The following TJP1 variants were observed in gnomAD, a reference collection of about 807,000 sequenced individuals.
The protein encoded by TJP1 is tight junction protein ZO-1.
Under a neutral mutation model 194.2 loss-of-function variants are expected in TJP1, and 43 were observed. That is an observed-to-expected ratio of 0.22 (90% CI 0.17 to 0.29). The LOEUF (loss-of-function observed/expected upper bound fraction) is 0.29, where lower values mean the gene tolerates loss of function less well. Among genes scored for constraint, TJP1 ranks in the 10% least tolerant of loss-of-function variants. The pLI is 1.00. For missense variants in TJP1, 1,971 were observed against 2,185.7 expected, an observed-to-expected ratio of 0.90 and a Z score of 1.96; for synonymous variants, 801 against 779.0, an observed-to-expected ratio of 1.03 and a Z score of -0.47.
chr15:29,819,783 T>C (rs1332290368), intron 1 of TJP1, among the ~76,000 whole-genome samples: 4 of 152,226 alleles, frequency 2.6e-5, no homozygotes, highest in Non-Finnish European at 5.9e-5. Context: ...TCACTTTATG[T>C]CCTTCATTAA....
chr15:29,719,282 T>C, intron 20 of TJP1, 144 bp from the exon 21 acceptor site: 1 of 1,051,138 alleles, frequency 9.5e-7, no homozygotes, highest in Non-Finnish European at 1.3e-6. Context: ...ACAAGATTAG[T>C]GGAAAAAGCT....
intron 1 of TJP1, among the ~76,000 whole-genome samples, chr15:29,811,862 G>GAATT (rs932624832): frequency 6.6e-6 from 1 of 150,988 alleles, no homozygotes; most frequent in African/African-American, 2.4e-5. Context: ...TGTCCAAAAT[G>GAATT]AATGAATGAA....
At chr15:29,764,491 A>T (rs2046208270) in intron 5 of TJP1, among the ~76,000 whole-genome samples, 1 of 152,216 alleles carries the variant, frequency 6.6e-6, no homozygotes, top group South Asian at 2.1e-4. Flanking sequence ...TGCAGAATCA[A>T]CTTAAAGGGA....
At chr15:29,960,959 G>C (rs2056134180) in intron 1 of TJP1, among the ~76,000 whole-genome samples, 2 of 152,264 alleles carry the variant, frequency 1.3e-5, no homozygotes, top group South Asian at 4.1e-4. Flanking sequence ...GTAGGAATAG[G>C]TGAATTTTAG....
rs117333361 is a variant in TJP1 at position 29,730,377 on chromosome 15, T to A, written c.2017+2056A>T. Among the ~76,000 whole-genome samples, 707 of 151,900 alleles carry A rather than the reference T, an allele frequency of 4.7e-3. 15 individuals are homozygous for A. The East Asian group carries it at 0.076, about 16-fold the overall frequency. On this transcript the variant is annotated intron_variant, in intron 15 of 27. Transcript: ENST00000614355. Reference sequence around the variant, plus strand: ...CCAGAGATCACTTGAGCCCAGGAGCTCAGGTTCAGCCTGGACAACCTAGTG... The same window carrying A: ...CCAGAGATCACTTGAGCCCAGGAGCACAGGTTCAGCCTGGACAACCTAGTG...
intron 2 of TJP1, among the ~76,000 whole-genome samples, chr15:29,939,102 G>GGA (rs1271875014): frequency 2.0e-5 from 3 of 152,158 alleles, no homozygotes; most frequent in Non-Finnish European, 4.4e-5. Context: ...GCTGGATTAT[G>GGA]GAGACAACAG....
intron 2 of TJP1, among the ~76,000 whole-genome samples, chr15:29,941,166 G>T (rs946010808): frequency 1.3e-5 from 2 of 152,112 alleles, no homozygotes; most frequent in African/African-American, 4.8e-5. Flanking sequence ...ACGACCGCAG[G>T]CAGGCCCACG....
At chr15:29,795,150 A>G (rs1371799224) in intron 2 of TJP1, among the ~76,000 whole-genome samples, 1 of 152,144 alleles carries the variant, frequency 6.6e-6, no homozygotes, top group African/African-American at 2.4e-5. Flanking sequence ...CCAGTCAGGC[A>G]TGGTGGCTCA....
In TJP1 at chr15:29,732,804, A is replaced by G; in HGVS notation, c.1748T>C (p.Leu583Pro). 6.3e-7 allele frequency: 1 copy of G among 1,590,316 alleles called. No homozygotes were observed. The highest frequency in any genetic ancestry group is 8.5e-7 in the Non-Finnish European group (1 of 1,171,508). The change falls in exon 14 of 28, where the codon CTA (leucine) becomes CCA (proline). Residue 583 changes from leucine (L) to proline (P), a missense_variant. Leu to Pro is a moderately conservative substitution (Grantham distance 98). Coordinates refer to ENST00000614355, the MANE Select transcript of TJP1 (RefSeq NM_001330239.4). ...IIPNKNRAEQ[L>P]ASVQYTLPKT... ...TGGAAGTGTATACTGTACACTGGCT[A>G]GCTGCTCAGCTCTACACAAGAAAGG... is the stretch of plus-strand genomic sequence containing the variant.
intron 2 of TJP1, among the ~76,000 whole-genome samples, chr15:29,833,119 T>C (rs913076647): frequency 3.9e-5 from 6 of 152,162 alleles, no homozygotes; most frequent in Admixed American, 2.6e-4. Context: ...TGAGGGAATA[T>C]TTAGAGTGCC....
chr15:29,880,378 C>T (rs1028837318), intron 2 of TJP1, among the ~76,000 whole-genome samples: 1 of 152,166 alleles, frequency 6.6e-6, no homozygotes, highest in Non-Finnish European at 1.5e-5. Flanking sequence ...ATGATACTAT[C>T]CCCACAATCA....
upstream of TJP1, among the ~76,000 whole-genome samples, chr15:29,825,763 G>C (rs1024712032): frequency 2.0e-5 from 3 of 152,160 alleles, no homozygotes; most frequent in African/African-American, 4.8e-5. Context: ...CAAAATATTA[G>C]AAGGAGAAGC....
Position 29,752,115 on chromosome 15 carries a change from T to TC in TJP1, c.1010+9023dup, listed in dbSNP as rs200728984. 5.9e-4 allele frequency among the ~76,000 whole-genome samples: 82 copies of TC among 138,386 alleles called. 1 individual carries two copies. The highest frequency in any genetic ancestry group is 1.7e-4 in the Non-Finnish European group (11 of 66,434). The allele number at this position is 138,386 out of a possible 152,430, so 90.8% of individuals were successfully genotyped here. ...GGCTAAATACACTTTTTTTTTTTTTTCCCCCCAGACGGAGTCTCGCTCTGT... is the reference window on the plus strand; with the variant it reads ...GGCTAAATACACTTTTTTTTTTTTTTCCCCCCCAGACGGAGTCTCGCTCTGT... On this transcript the variant is annotated intron_variant, in intron 8 of 27. Transcript: ENST00000614355.
At chr15:29,904,734 G>A (rs932585585) in intron 2 of TJP1, among the ~76,000 whole-genome samples, 4 of 152,160 alleles carry the variant, frequency 2.6e-5, no homozygotes, top group Admixed American at 6.5e-5. Flanking sequence ...ATGTCTATCT[G>A]GAACCTCAGA....
intron 2 of TJP1, among the ~76,000 whole-genome samples, chr15:29,911,059 A>G (rs1296914031): frequency 6.6e-6 from 1 of 152,260 alleles, no homozygotes; most frequent in Non-Finnish European, 1.5e-5. Context: ...GGGAGAGCAG[A>G]TGCAAATAAA....
At chr15:29,949,269 CCTCCATCACCTCCACCGCCAT>C in intron 2 of TJP1, among the ~76,000 whole-genome samples, 2 of 115,486 alleles carry the variant, frequency 1.7e-5, no homozygotes, top group African/African-American at 8.4e-5. Flanking sequence ...ACCACCACCA[CCTCCATCACCTCCACCGCCAT>C]CACCTCCACC....
At chr15:29,823,294 C>T (rs997954231), upstream of TJP1, 1 of 152,226 alleles carries the variant, frequency 6.6e-6, no homozygotes, top group African/African-American at 2.4e-5. Flanking sequence ...CACGTGCAGT[C>T]CATGGTCCAG....
chr15:29,877,813 G>A lies in TJP1; in HGVS notation c.307-77111C>T, dbSNP rs146063046. ...AGCTGGGATTACTGGGATTACAGGC[G>A]CGTGCCATCACGCCTGGCTAATTTT... On this transcript the variant is annotated intron_variant, in intron 2 of 28. Coordinates refer to the TJP1 transcript ENST00000356107. 3.1e-3 allele frequency among the ~76,000 whole-genome samples: 466 copies of A among 150,510 alleles called. 2 individuals carry two copies. Among genetic ancestry groups the A allele is most frequent in the African/African-American group, 0.011 (449 of 41,008 alleles).
intron 2 of TJP1, among the ~76,000 whole-genome samples, chr15:29,852,001 G>C (rs1212019802): frequency 6.6e-6 from 1 of 152,122 alleles, no homozygotes; most frequent in Admixed American, 6.5e-5. Context: ...TGACACTTAA[G>C]TATTATAAAA....
Sources: gnomAD v4.1 joint callset for allele counts (sites outside exome capture counted in the v4.1 genomes callset) on GRCh38, gnomAD v4.1.1 for gene constraint, MANE v1.5 for transcripts, NCBI Gene and HGNC (gene_info 2026-07-23, HGNC 2026-07-21) for gene names.